Variants in NBPF11 observed in about 807,000 individuals in gnomAD.
NBPF11 encodes the protein NBPF family member NBPF11.
Under a neutral mutation model 93.9 loss-of-function variants are expected in NBPF11, and 72 were observed. That is an observed-to-expected ratio of 0.77 (90% CI 0.63 to 0.93). The LOEUF (loss-of-function observed/expected upper bound fraction) is 0.93. NBPF11 is among the 40% of genes least tolerant of loss of function. NBPF11 has a pLI of 0.00. For synonymous variants in NBPF11, 224 were observed against 304.9 expected, an observed-to-expected ratio of 0.73 and a Z score of 2.76; for missense variants, 705 against 802.2, an observed-to-expected ratio of 0.88 and a Z score of 1.46.
At chr1:148,122,992 G>C (rs1452571363) in intron 7 of NBPF11, among the ~76,000 whole-genome samples, 191 bp from the exon 8 acceptor site, 2 of 137,124 alleles carry the variant, frequency 1.5e-5, no homozygotes, top group Non-Finnish European at 3.3e-5. Context: ...CTGATGTGGA[G>C]GGCCACCATC....
rs1257247872 is a variant in NBPF11, at chr1:148,103,527, G to T, written c.*369C>A. The T allele has an allele frequency of 2.0e-6, 3 of 1,481,944 alleles. No individual in the cohort carries two copies. The East Asian group carries it at 6.8e-5, about 34-fold the overall frequency. 91.8% of individuals were successfully genotyped at this position (1,481,944 alleles called of 1,614,324 possible). ...ACTGAGCACAGGTTGCCACTGGCAT[G>T]CTCTGAGAATAGGAATAGAGCCATG... On this transcript the variant is annotated 3_prime_UTR_variant, in exon 24 of 24. Transcript: ENST00000682118.
intron 1 of NBPF11, chr1:148,146,761 G>A (rs1673181392): frequency 8.7e-6 from 14 of 1,612,916 alleles, no homozygotes; most frequent in Non-Finnish European, 2.5e-6. Context: ...CAATGCCGTG[G>A]ACCTGGGCCA....
intron 14 of NBPF11, among the ~76,000 whole-genome samples, chr1:148,115,427 G>T (rs1666268456): frequency 6.7e-6 from 1 of 149,934 alleles, no homozygotes; most frequent in Non-Finnish European, 1.5e-5. Context: ...ACAAAGGCAA[G>T]GCTGCCAGGT....
intron 5 of NBPF11, 151 bp downstream of exon 5, chr1:148,126,678 T>C (rs1669199910): frequency 1.5e-6 from 1 of 648,454 alleles, no homozygotes; most frequent in Admixed American, 2.5e-5. Context: ...GCTAAATACT[T>C]TGGTACCTCT....
intron 1 of NBPF11, among the ~76,000 whole-genome samples, chr1:148,144,654 T>A (rs1352238276): frequency 6.6e-6 from 1 of 151,946 alleles, no homozygotes; most frequent in African/African-American, 2.4e-5. Context: ...GTACCTGTTT[T>A]AAATTAGAAA....
At chr1:148,147,736 C>T (rs1261809875) in intron 1 of NBPF11, among the ~76,000 whole-genome samples, 2 of 151,932 alleles carry the variant, frequency 1.3e-5, no homozygotes, top group Non-Finnish European at 2.9e-5. Context: ...CTGCTGTGGG[C>T]CTGGGAGCTG....
At chr1:148,146,325 C>T (rs1225695967) in intron 1 of NBPF11, 1 of 1,390,334 alleles carries the variant, frequency 7.2e-7, no homozygotes, top group South Asian at 1.6e-5. Flanking sequence ...CACCCCTCCC[C>T]TGCCGGGCCA....
At chr1:148,132,352 T>A (rs1353622293) in intron 4 of NBPF11, among the ~76,000 whole-genome samples, 11 of 96,804 alleles carry the variant, frequency 1.1e-4, no homozygotes, top group African/African-American at 6.3e-4. Context: ...TGATATATAT[T>A]CTATTTTTTT....
chr1:148,106,832 G>A (rs1200419422), intron 20 of NBPF11, 110 bp downstream of exon 20: 3 of 790,090 alleles, frequency 3.8e-6, no homozygotes, highest in African/African-American at 3.7e-5. Flanking sequence ...CATAGGTCCT[G>A]CCTGTGGCAA....
Position 148,126,704 on chromosome 1 carries a change from C to A in NBPF11, c.175+125G>T. ...TGGTACCTCTGTCTTCCAACTTTAA[C>A]AAAATGTTAAAATACCCATTTCTGT... On this transcript the variant is annotated intron_variant, in intron 5 of 23. Coordinates refer to ENST00000682118, the MANE Select transcript of NBPF11 (RefSeq NM_001385469.3). The A allele has an allele frequency of 4.6e-6, 3 of 648,172 alleles. 1 individual carries two copies. The highest frequency in any genetic ancestry group is 4.1e-4 in the Middle Eastern group (1 of 2,444). 40.2% of individuals were successfully genotyped at this position (648,172 alleles called of 1,614,324 possible).
chr1:148,121,518 C>G (rs28698444), intron 9 of NBPF11, among the ~76,000 whole-genome samples: 1 of 146,308 alleles, frequency 6.8e-6, no homozygotes, highest in Non-Finnish European at 1.5e-5. Context: ...CAGCTAATTT[C>G]TTTTTTTTTT....
intron 15 of NBPF11, among the ~76,000 whole-genome samples, chr1:148,111,524 G>T (rs1553268647): frequency 1.6e-4 from 25 of 151,852 alleles, no homozygotes; most frequent in Non-Finnish European, 1.0e-4. Context: ...TAGACGAATG[G>T]CTAACCAGAA....
intron 8 of NBPF11, 127 bp from the exon 9 acceptor site, chr1:148,122,393 T>C: frequency 6.7e-7 from 1 of 1,487,568 alleles, no homozygotes; most frequent in Non-Finnish European, 9.4e-7. Context: ...GGAGGTTCCC[T>C]TTAAGAGGGA....
At chr1:148,146,575 G>A (rs1219247379) in intron 1 of NBPF11, 10 of 1,607,102 alleles carry the variant, frequency 6.2e-6, no homozygotes, top group African/African-American at 1.3e-5. Context: ...AGCCTCCTCG[G>A]GCGCACCCGG....
At chr1:148,122,340 G>C in intron 8 of NBPF11, 74 bp from the exon 9 acceptor site, 2 of 1,607,066 alleles carry the variant, frequency 1.2e-6, no homozygotes, top group South Asian at 2.2e-5. Context: ...GTCCTAGCTG[G>C]TTTTGACAAG....
intron 10 of NBPF11, among the ~76,000 whole-genome samples, chr1:148,120,200 G>A (rs1667502305): frequency 1.3e-5 from 2 of 152,012 alleles, no homozygotes; most frequent in South Asian, 2.1e-4. Context: ...GGTACAGAGA[G>A]GATTCTTGAA....
chr1:148,115,939 A>G lies in NBPF11; in HGVS notation c.1439T>C (p.Ile480Thr). The change falls in exon 14 of 24, where the codon ATC becomes ACC. Residue 480 changes from isoleucine (I) to threonine (T), a missense_variant. Physicochemically the swap from Ile to Thr is moderately conservative, Grantham distance 89 (BLOSUM62 -1). Around this residue, in one of 12 missense-constraint regions of NBPF11, gnomAD observed 54 missense variants for 91.8 expected, o/e 0.59. Transcript: ENST00000682118. ...AGGGCCATGGCTATTTGAACAAGTG[A>G]TGGCACACTCCTCCAGTGAGTCCTC... is the stretch of plus-strand genomic sequence containing the variant. ...VPEDSLEECA[I>T]TCSNSHGPYD... is the part of the protein sequence containing the mutation. 2.5e-6 allele frequency: 4 copies of G among 1,586,964 alleles called. No homozygotes were observed. In the East Asian group the frequency reaches 6.8e-5, roughly 27 times the overall value.
intron 21 of NBPF11, 56 bp from the exon 22 acceptor site, chr1:148,105,584 C>A: frequency 2.8e-6 from 2 of 716,486 alleles, no homozygotes; most frequent in East Asian, 2.7e-5. Context: ...CACAACAGAG[C>A]CCCAACTAGG....
At position 148,102,683 on chromosome 1, in the gene NBPF11, A is replaced by T. The variant is rs1371249675; in HGVS notation, c.*1213T>A. 6.6e-6 allele frequency: 1 copy of T among 151,178 alleles called. No homozygotes were observed. Among genetic ancestry groups the T allele is most frequent in the South Asian group, 2.1e-4 (1 of 4,792 alleles). 9.4% of individuals were successfully genotyped at this position (151,178 alleles called of 1,614,324 possible). On this transcript the variant is annotated 3_prime_UTR_variant, in exon 24 of 24. Transcript: ENST00000682118. Reference sequence around the variant, plus strand: ...TGACCTGTCCTCTATAAACAAGTCCATGTCACCACCATCCATGACAACAAC... The same window carrying T: ...TGACCTGTCCTCTATAAACAAGTCCTTGTCACCACCATCCATGACAACAAC...
Sources: gnomAD v4.1 joint callset for allele counts (sites outside exome capture counted in the v4.1 genomes callset) on GRCh38, gnomAD v4.1.1 for gene constraint, gnomAD v4.1.1 regional missense constraint, MANE v1.5 for transcripts, NCBI Gene and HGNC (gene_info 2026-07-23, HGNC 2026-07-21) for gene names.